CCSER1: variants seen among roughly 807,000 people sequenced by gnomAD.
The protein encoded by CCSER1 is coiled-coil serine rich protein 1, also known as serine-rich coiled-coil domain-containing protein 1.
CCSER1 carries 41 observed loss-of-function variants against 82.0 expected under a neutral mutation model. The observed-to-expected ratio is 0.50, with a 90% CI of 0.39 to 0.65. The LOEUF is 0.65. Among genes scored for constraint, CCSER1 ranks in the 30% least tolerant of loss-of-function variants. The pLI, the probability that CCSER1 is intolerant of heterozygous loss-of-function variation, is 0.00. For missense variants in CCSER1, 1,119 were observed against 1,064.2 expected (o/e 1.05, Z -0.72); for synonymous variants, 414 against 383.9 (o/e 1.08, Z -0.92).
At chr4:90,808,534 C>T (rs1757817200) in intron 7 of CCSER1, among the ~76,000 whole-genome samples, 1 of 151,752 alleles carries the variant, frequency 6.6e-6, no homozygotes, top group South Asian at 2.1e-4. Flanking sequence ...CAACTCAAAT[C>T]AGCAAGAAAA....
chr4:91,247,442 T>A (rs1739886965), intron 10 of CCSER1, among the ~76,000 whole-genome samples: 1 of 152,196 alleles, frequency 6.6e-6, no homozygotes, highest in Non-Finnish European at 1.5e-5. Flanking sequence ...GCACTATGAA[T>A]TTATGTTTAG....
intron 10 of CCSER1, among the ~76,000 whole-genome samples, chr4:91,168,531 T>G: frequency 7.1e-6 from 1 of 141,616 alleles, no homozygotes; most frequent in African/African-American, 2.7e-5. Flanking sequence ...ATCTGGGAGG[T>G]GAGGAGTGCC....
chr4:90,161,627 G>A (rs1397014756), intron 1 of CCSER1, among the ~76,000 whole-genome samples: 2 of 151,826 alleles, frequency 1.3e-5, no homozygotes, highest in Admixed American at 6.6e-5. Context: ...GAATTAGATA[G>A]TATATATAAA....
intron 6 of CCSER1, among the ~76,000 whole-genome samples, chr4:90,674,341 C>T (rs1350219057): frequency 2.6e-5 from 4 of 151,878 alleles, no homozygotes; most frequent in African/African-American, 4.8e-5. Context: ...GCAGATTGTA[C>T]CTTATCTGAG....
intron 10 of CCSER1, among the ~76,000 whole-genome samples, chr4:91,544,362 G>A (rs574042085): frequency 2.0e-5 from 3 of 152,142 alleles, no homozygotes; most frequent in Admixed American, 6.5e-5. Context: ...AAGGAACTGC[G>A]TCCCTTTGGA....
At chr4:90,983,936 G>A (rs947410534) in intron 9 of CCSER1, among the ~76,000 whole-genome samples, 7 of 151,720 alleles carry the variant, frequency 4.6e-5, no homozygotes, top group Non-Finnish European at 7.4e-5. Context: ...GAGATTACAA[G>A]TAATTCAATT....
intron 10 of CCSER1, among the ~76,000 whole-genome samples, chr4:91,506,822 A>G (rs1578647830): frequency 6.6e-6 from 1 of 152,112 alleles, no homozygotes; most frequent in Non-Finnish European, 1.5e-5. Context: ...CGGTCTCCCA[A>G]ACCCTGGCGA....
intron 3 of CCSER1, among the ~76,000 whole-genome samples, chr4:90,354,608 T>C (rs987647034): frequency 2.0e-5 from 3 of 152,002 alleles, no homozygotes; most frequent in Non-Finnish European, 4.4e-5. Context: ...ATTAATACAA[T>C]TACTACTTTT....
Position 91,003,926 on chromosome 4 carries a change from C to T in CCSER1, c.2172+80479C>T, listed in dbSNP as rs564078677. On this transcript the variant is annotated intron_variant, in intron 9 of 10. Transcript: ENST00000509176. ...CTTCTTCCTCTACTTCTGCATTTCA[C>T]TTGGTTCTCTAATTTGTTTCAGCTC... Among the ~76,000 whole-genome samples the T allele has an allele frequency of 3.9e-5, 6 of 152,268 alleles. No homozygotes were observed. The East Asian group carries it at 1.2e-3, about 29-fold the overall frequency.
intron 1 of CCSER1, among the ~76,000 whole-genome samples, chr4:90,290,451 G>T (rs1730706361): frequency 6.6e-6 from 1 of 151,876 alleles, no homozygotes; most frequent in South Asian, 2.1e-4. Flanking sequence ...CCTTATGTTT[G>T]TTGTATGATA....
chr4:90,612,708 A>G (rs898362388), intron 5 of CCSER1, among the ~76,000 whole-genome samples: 1 of 152,174 alleles, frequency 6.6e-6, no homozygotes, highest in Non-Finnish European at 1.5e-5. Flanking sequence ...AGTATTTGAG[A>G]AACCAAATAC....
chr4:91,386,873 T>C (rs1751331886), intron 10 of CCSER1, among the ~76,000 whole-genome samples: 1 of 151,860 alleles, frequency 6.6e-6, no homozygotes, highest in Admixed American at 6.6e-5. Flanking sequence ...ACAAAAAAGA[T>C]GCATAAACCC....
intron 10 of CCSER1, among the ~76,000 whole-genome samples, chr4:91,535,616 ATATT>A (rs1412559870): frequency 5.3e-5 from 8 of 152,046 alleles, no homozygotes; most frequent in African/African-American, 1.7e-4. Context: ...TTATTCCTAT[ATATT>A]TATCAGTTTT....
chr4:90,487,946 A>C (rs1767369937), intron 5 of CCSER1, among the ~76,000 whole-genome samples: 1 of 152,076 alleles, frequency 6.6e-6, no homozygotes, highest in Non-Finnish European at 1.5e-5. Flanking sequence ...GGCTTAATCT[A>C]GTGTTTTAAT....
chr4:90,496,971 C>CAAAAAAAAAAAAAAAAAAAAAAAAAAAAA (rs771281710), intron 5 of CCSER1, among the ~76,000 whole-genome samples: 1 of 55,226 alleles, frequency 1.8e-5, no homozygotes, highest in African/African-American at 5.6e-5. Flanking sequence ...AGCGAGACTA[C>CAAAAAAAAAAAAAAAAAAAAAAAAAAAAA]AAAAAAAAAA....
At chr4:90,379,476 GA>G (rs1424569912) in intron 3 of CCSER1, among the ~76,000 whole-genome samples, 1 of 152,096 alleles carries the variant, frequency 6.6e-6, no homozygotes, top group Admixed American at 6.6e-5. Context: ...ACACTTTCAG[GA>G]ACTTGTCAAG....
intron 10 of CCSER1, among the ~76,000 whole-genome samples, chr4:91,137,086 G>A (rs902789031): frequency 6.8e-6 from 1 of 146,402 alleles, no homozygotes; most frequent in Non-Finnish European, 1.5e-5. Flanking sequence ...ATGTATACAT[G>A]GGCCATGCTG....
intron 1 of CCSER1, among the ~76,000 whole-genome samples, chr4:90,228,942 G>A (rs1212018636): frequency 3.9e-5 from 6 of 152,242 alleles, no homozygotes; most frequent in Non-Finnish European, 7.4e-5. Context: ...AAAGAAACGA[G>A]CAAAGCCTCC....
At chr4:90,867,047 G>A (rs762712767) in intron 8 of CCSER1, among the ~76,000 whole-genome samples, 15 of 152,102 alleles carry the variant, frequency 9.9e-5, no homozygotes, top group South Asian at 4.1e-4. Flanking sequence ...ATTGAGGATC[G>A]CTAATCTAGG....
Sources: allele counts gnomAD v4.1 joint callset (sites outside exome capture counted in the v4.1 genomes callset), GRCh38; gene constraint gnomAD v4.1.1; transcripts MANE v1.5; gene names NCBI Gene and HGNC (gene_info 2026-07-23, HGNC 2026-07-21).